The following PARP11 variants were observed in gnomAD, a reference collection of about 807,000 sequenced individuals.
PARP11 encodes poly(ADP-ribose) polymerase family member 11.
In PARP11, 31 loss-of-function variants were observed where a neutral mutation model predicts 42.9. The observed-to-expected ratio is 0.72, with a 90% CI of 0.54 to 0.98. The LOEUF (loss-of-function observed/expected upper bound fraction) is 0.98, where lower values mean the gene tolerates loss of function less well. Ranked by LOEUF, PARP11 falls within the 50% of genes least tolerant of loss-of-function variation. The pLI is 0.00. For synonymous variants in PARP11, 137 were observed against 127.3 expected, an observed-to-expected ratio of 1.08 and a Z score of -0.51; for missense variants, 365 against 413.1, an observed-to-expected ratio of 0.88 and a Z score of 1.01.
intron 3 of PARP11, 45 bp downstream of exon 3, chr12:3,828,865 T>C (rs1037558569): frequency 6.4e-7 from 1 of 1,562,290 alleles, no homozygotes; most frequent in Admixed American, 1.7e-5. Flanking sequence ...GATTTTATCA[T>C]ATCAATATAC....
intron 1 of PARP11, chr12:3,842,559 G>C: frequency 7.4e-7 from 1 of 1,345,938 alleles, no homozygotes; most frequent in African/African-American, 1.4e-5. Context: ...CTCTTAGGTG[G>C]AATGTTTCTG....
chr12:3,828,544 CA>C (rs543241542), intron 3 of PARP11, among the ~76,000 whole-genome samples: 21,119 of 75,984 alleles, frequency 0.28, 1,507 homozygotes, highest in East Asian at 0.42. Context: ...TGAGACGTCT[CA>C]AAAAAAAAAA....
chr12:3,809,707 G>A lies in PARP11; in HGVS notation c.*2416C>T, dbSNP rs182025699. 6 of 152,026 alleles carry A rather than the reference G, an allele frequency of 3.9e-5. No homozygotes were observed. Among genetic ancestry groups the A allele is most frequent in the African/African-American group, 9.7e-5 (4 of 41,388 alleles). 9.4% of individuals were successfully genotyped at this position (152,026 alleles called of 1,614,324 possible). A position where few individuals can be genotyped will look rare whatever the true frequency, so the allele number is the denominator to read the frequency against. On this transcript the variant is annotated 3_prime_UTR_variant, in exon 8 of 8. Transcript: ENST00000228820. ...TTGGTATGTAAATTACAAATAAATCGAAAAAAAGATTTTCAAAACCTGAAT... is the reference window on the plus strand; with the variant it reads ...TTGGTATGTAAATTACAAATAAATCAAAAAAAAGATTTTCAAAACCTGAAT...
At chr12:3,839,340 G>A (rs566366222) in intron 1 of PARP11, 1 of 1,534,126 alleles carries the variant, frequency 6.5e-7, no homozygotes, top group Non-Finnish European at 8.7e-7. Context: ...GCGAGGACCA[G>A]GGCGGCGCGG....
chr12:3,819,203 A>G (rs764898715), intron 6 of PARP11, among the ~76,000 whole-genome samples: 23 of 152,188 alleles, frequency 1.5e-4, no homozygotes, highest in Non-Finnish European at 2.2e-4. Context: ...ATCGCATACA[A>G]TAAGTGAGGC....
At chr12:3,828,809 TCACTGTTTG>T (rs1947580222) in intron 3 of PARP11, 92 bp downstream of exon 3, 1 of 1,029,474 alleles carries the variant, frequency 9.7e-7, no homozygotes, top group Non-Finnish European at 1.4e-6. Flanking sequence ...AAGATATACT[TCACTGTTTG>T]CAAATATATC....
At chr12:3,839,754 T>A (rs1012106128) in intron 1 of PARP11, 3 of 1,124,434 alleles carry the variant, frequency 2.7e-6, no homozygotes. Context: ...ATTATGATAT[T>A]GTGTATCCCG....
Position 3,873,197 on chromosome 12 carries a change from C to A in PARP11, c.18+15G>T, listed in dbSNP as rs1948527233. On this transcript the variant is annotated intron_variant, in intron 1 of 7. Coordinates refer to ENST00000228820, the MANE Select transcript of PARP11 (RefSeq NM_020367.6). The stretch of plus-strand genomic sequence containing the variant: ...CCCGCCCCCTGGGCCCGCCCCGTCC[C>A]GCCCGGCTACTCACTGGATTCGCTT... 6.5e-7 allele frequency: 1 copy of A among 1,547,614 alleles called. No homozygotes were observed. The highest frequency in any genetic ancestry group is 1.4e-5 in the African/African-American group (1 of 72,896).
chr12:3,849,796 T>C (rs1341032241), intron 1 of PARP11, among the ~76,000 whole-genome samples: 1 of 152,218 alleles, frequency 6.6e-6, no homozygotes, highest in Non-Finnish European at 1.5e-5. Context: ...CTATTGTACA[T>C]TTCAAAATAG....
chr12:3,834,883 A>G (rs1947724759), intron 1 of PARP11, among the ~76,000 whole-genome samples: 1 of 152,086 alleles, frequency 6.6e-6, no homozygotes, highest in Non-Finnish European at 1.5e-5. Flanking sequence ...ACGTTCTCTA[A>G]GCTATACACG....
intron 1 of PARP11, among the ~76,000 whole-genome samples, chr12:3,835,000 T>C (rs1947727040): frequency 6.6e-6 from 1 of 152,146 alleles, no homozygotes; most frequent in Admixed American, 6.5e-5. Flanking sequence ...GTAATTCCTA[T>C]GAAGCCAGGG....
At chr12:3,847,594 G>A (rs553564695) in intron 1 of PARP11, among the ~76,000 whole-genome samples, 1 of 152,260 alleles carries the variant, frequency 6.6e-6, no homozygotes, top group Non-Finnish European at 1.5e-5. Context: ...TTTAATAGAT[G>A]CTTTAAAAGC....
intron 1 of PARP11, among the ~76,000 whole-genome samples, chr12:3,833,624 A>T (rs576362340): frequency 9.2e-5 from 14 of 152,306 alleles, no homozygotes; most frequent in African/African-American, 2.9e-4. Flanking sequence ...ATTAAAAATT[A>T]AAAACTGCTG....
chr12:3,872,048 G>A (rs1310257970), intron 1 of PARP11: 6 of 152,096 alleles, frequency 3.9e-5, no homozygotes, highest in Non-Finnish European at 8.8e-5. Flanking sequence ...ATAGGAACTG[G>A]CCATAAAGAA....
intron 3 of PARP11, among the ~76,000 whole-genome samples, chr12:3,828,223 T>C (rs35267321): frequency 2.0e-3 from 298 of 152,324 alleles, no homozygotes; most frequent in Non-Finnish European, 2.7e-3. Context: ...TACCTATGAC[T>C]TTCTCACTTA....
chr12:3,841,661 C>T (rs1422361081), intron 1 of PARP11: 10 of 1,613,460 alleles, frequency 6.2e-6, no homozygotes, highest in African/African-American at 4.0e-5. Flanking sequence ...TATGAAGAGT[C>T]ACTGAGTGGC....
At position 3,840,587 on chromosome 12, in the gene PARP11, C is replaced by A; in HGVS notation, c.19-10569G>T. On this transcript the variant is annotated intron_variant, in intron 1 of 7. Coordinates refer to ENST00000228820, the MANE Select transcript of PARP11 (RefSeq NM_020367.6). The surrounding 1 kb of genome is among the most constrained non-coding windows in gnomAD (Gnocchi z 4.4). ...CCTGATCGTGAAAGAGTTGAGGATTCTGATCACACAAGTCGAGAATCTAAC... is the reference window on the plus strand; with the variant it reads ...CCTGATCGTGAAAGAGTTGAGGATTATGATCACACAAGTCGAGAATCTAAC... 6.9e-7 allele frequency: 1 copy of A among 1,444,568 alleles called. No individual in the cohort carries two copies. Among genetic ancestry groups the A allele is most frequent in the South Asian group, 1.1e-5 (1 of 87,574 alleles). 89.5% of individuals were successfully genotyped at this position (1,444,568 alleles called of 1,614,324 possible).
Position 3,809,706 on chromosome 12 carries a change from CGAAAAAA to C in PARP11, c.*2410_*2416del. 6.6e-6 allele frequency: 1 copy of C among 152,020 alleles called. No individual in the cohort carries two copies. Among genetic ancestry groups the C allele is most frequent in the East Asian group, 1.9e-4 (1 of 5,172 alleles). 9.4% of individuals were successfully genotyped at this position (152,020 alleles called of 1,614,324 possible). A position where few individuals can be genotyped will look rare whatever the true frequency, so the allele number is the denominator to read the frequency against. The stretch of plus-strand genomic sequence containing the variant: ...TTTGGTATGTAAATTACAAATAAAT[CGAAAAAA>C]AGATTTTCAAAACCTGAATTCCTAA... On this transcript the variant is annotated 3_prime_UTR_variant, in exon 8 of 8. Transcript: ENST00000228820.
rs1947173840 is a variant in PARP11 at position 3,811,347 on chromosome 12, A to C, written c.*776T>G. The C allele has an allele frequency of 6.6e-6, 1 of 152,254 alleles. No homozygotes were observed. The highest frequency in any genetic ancestry group is 1.5e-5 in the Non-Finnish European group (1 of 68,040). The allele number at this position is 152,254 out of a possible 1,614,324, so 9.4% of individuals were successfully genotyped here. A position where few individuals can be genotyped will look rare whatever the true frequency, so the allele number is the denominator to read the frequency against. On this transcript the variant is annotated 3_prime_UTR_variant, in exon 8 of 8. Coordinates refer to ENST00000228820, the MANE Select transcript of PARP11 (RefSeq NM_020367.6). ...AATAATAATTTAAAGTTTCACTTTGAAGATGCAATAAACACCTTGCACAGC... is the reference window on the plus strand; with the variant it reads ...AATAATAATTTAAAGTTTCACTTTGCAGATGCAATAAACACCTTGCACAGC...
Sources: allele counts gnomAD v4.1 joint callset (sites outside exome capture counted in the v4.1 genomes callset), GRCh38; gene constraint gnomAD v4.1.1; non-coding constraint Gnocchi (gnomAD v3.1); transcripts MANE v1.5; gene names NCBI Gene and HGNC (gene_info 2026-07-23, HGNC 2026-07-21).